SYNPO2: variants seen among roughly 807,000 people sequenced by gnomAD.
The protein encoded by SYNPO2 is synaptopodin 2.
In SYNPO2, 56 loss-of-function variants were observed where a neutral mutation model predicts 85.0. The ratio of observed to expected loss-of-function variants is 0.66; its 90% CI spans 0.53 to 0.82. SYNPO2 has a LOEUF of 0.82. SYNPO2 is among the 40% of genes least tolerant of loss of function. The probability of loss-of-function intolerance (pLI) is 0.00; values close to 1 mark genes in which losing one functional copy is unlikely to be tolerated. For synonymous variants in SYNPO2, 602 were observed against 591.1 expected (o/e 1.02, Z -0.27); for missense variants, 1,575 against 1,534.2 (o/e 1.03, Z -0.44).
At chr4:118,993,339 G>A (rs1736477532) in intron 1 of SYNPO2, among the ~76,000 whole-genome samples, 1 of 152,158 alleles carries the variant, frequency 6.6e-6, no homozygotes. Context: ...CCATTGTAGA[G>A]AAATATAATT....
At chr4:118,898,627 A>G (rs954203413) in intron 1 of SYNPO2, among the ~76,000 whole-genome samples, 6 of 152,186 alleles carry the variant, frequency 3.9e-5, no homozygotes, top group Non-Finnish European at 8.8e-5. Flanking sequence ...TAAGTAAAAA[A>G]TTGAAGATCA....
intron 1 of SYNPO2, among the ~76,000 whole-genome samples, chr4:118,921,404 C>T (rs1176477958): frequency 1.3e-5 from 2 of 152,084 alleles, no homozygotes; most frequent in African/African-American, 4.8e-5. Flanking sequence ...ACACAACAGC[C>T]AGGCTGACGT....
chr4:118,960,200 T>C (rs1252041247), intron 1 of SYNPO2, among the ~76,000 whole-genome samples: 1 of 152,186 alleles, frequency 6.6e-6, no homozygotes, highest in Non-Finnish European at 1.5e-5. Flanking sequence ...ACTCCAGAAC[T>C]GTGAATGAAA....
rs143989928 is a variant in SYNPO2, at chr4:118,961,979, G to T, written c.106-61451G>T. ...GGCTTTGGGATGTTCAGCCCATCTT[G>T]TTGGTCAGAAAGATAAAATTTTTAT... is the stretch of plus-strand genomic sequence containing the variant. On this transcript the variant is annotated intron_variant, in intron 1 of 4. Coordinates refer to ENST00000307142, the MANE Select transcript of SYNPO2 (RefSeq NM_133477.3). 7.9e-3 allele frequency among the ~76,000 whole-genome samples: 1,201 copies of T among 152,208 alleles called. 10 individuals carry two copies. The highest frequency in any genetic ancestry group is 0.024 in the Middle Eastern group (7 of 294).
At chr4:119,036,839 G>A (rs1427393250) in intron 4 of SYNPO2, 2 of 1,074,222 alleles carry the variant, frequency 1.9e-6, no homozygotes, top group Non-Finnish European at 1.1e-6. Context: ...TGAATAAAGA[G>A]AAATTTAATT....
At chr4:118,923,632 A>G (rs1733612196) in intron 1 of SYNPO2, among the ~76,000 whole-genome samples, 1 of 152,146 alleles carries the variant, frequency 6.6e-6, no homozygotes, top group Non-Finnish European at 1.5e-5. Flanking sequence ...TTGAACTTTG[A>G]GTTTGCTTCC....
chr4:118,863,339 T>C (rs1731645135), intron 1 of SYNPO2, among the ~76,000 whole-genome samples: 1 of 152,228 alleles, frequency 6.6e-6, no homozygotes, highest in Non-Finnish European at 1.5e-5. Context: ...TTGTTATTTG[T>C]TATTGGTCTG....
At chr4:118,877,933 C>T (rs1016175885) in intron 1 of SYNPO2, among the ~76,000 whole-genome samples, 4 of 152,056 alleles carry the variant, frequency 2.6e-5, no homozygotes, top group East Asian at 3.8e-4. Context: ...GCACTATTCA[C>T]GATAGCAAAG....
chr4:118,996,210 T>C (rs1736589236), intron 1 of SYNPO2, among the ~76,000 whole-genome samples: 1 of 152,162 alleles, frequency 6.6e-6, no homozygotes, highest in Non-Finnish European at 1.5e-5. Context: ...TTTGCACTTG[T>C]TGTTCCCATT....
intron 1 of SYNPO2, among the ~76,000 whole-genome samples, chr4:119,010,910 G>A (rs2149178745): frequency 6.6e-6 from 1 of 152,340 alleles, no homozygotes; most frequent in Admixed American, 6.5e-5. Flanking sequence ...GCTGAGTGAA[G>A]AGAGAGAGTA....
chr4:118,907,316 T>G, intron 1 of SYNPO2, among the ~76,000 whole-genome samples: 1 of 152,294 alleles, frequency 6.6e-6, no homozygotes, highest in Non-Finnish European at 1.5e-5. Context: ...ATAGCTTTTA[T>G]GTTTTGTTTG....
chr4:119,056,034 G>T (rs940466307), intron 4 of SYNPO2, among the ~76,000 whole-genome samples: 44 of 152,158 alleles, frequency 2.9e-4, no homozygotes, highest in African/African-American at 8.4e-4. Context: ...ACATTTTTAA[G>T]CATGGTAATG....
intron 1 of SYNPO2, among the ~76,000 whole-genome samples, chr4:118,981,235 T>C: frequency 6.6e-6 from 1 of 152,218 alleles, no homozygotes. Flanking sequence ...GACCCATTTG[T>C]TCCAGGATGG....
intron 1 of SYNPO2, among the ~76,000 whole-genome samples, chr4:118,853,503 A>G (rs1257451506): frequency 6.7e-6 from 1 of 148,654 alleles, no homozygotes; most frequent in Non-Finnish European, 1.5e-5. Context: ...GTGTGAGACT[A>G]TGGTTCAGAA....
rs528740706 is a variant in SYNPO2, at chr4:119,034,428, A to G, written c.3252+2401A>G. 36 of 985,152 alleles carry G rather than the reference A, an allele frequency of 3.7e-5. No homozygotes were observed. The African/African-American group carries it at 5.9e-4, about 16-fold the overall frequency. 61.0% of individuals were successfully genotyped at this position (985,152 alleles called of 1,614,324 possible). A position where few individuals can be genotyped will look rare whatever the true frequency, so the allele number is the denominator to read the frequency against. On this transcript the variant is annotated intron_variant, in intron 4 of 4. Coordinates refer to ENST00000307142, the MANE Select transcript of SYNPO2 (RefSeq NM_133477.3). Reference sequence around the variant, plus strand: ...TCCATTTCCTGTTGGACAGGTGGCAATCTTAGCAGAGCCACTATTTGGAGT... The same window carrying G: ...TCCATTTCCTGTTGGACAGGTGGCAGTCTTAGCAGAGCCACTATTTGGAGT...
chr4:118,956,557 T>C (rs1734883522), intron 1 of SYNPO2, among the ~76,000 whole-genome samples: 1 of 152,224 alleles, frequency 6.6e-6, no homozygotes, highest in Non-Finnish European at 1.5e-5. Flanking sequence ...TATTCCTTAT[T>C]CTTAGCCAGG....
At position 118,875,788 on chromosome 4, in the gene SYNPO2, T is replaced by C. The variant is rs146914331; in HGVS notation, c.12+24848T>C. On this transcript the variant is annotated intron_variant, in intron 1 of 4. Transcript: ENST00000610556. ...TGCATCTTACAATGTGTTGGTGTTG[T>C]GGTAAACCTCTGCCCGTTAATGTTT... Among the ~76,000 whole-genome samples, 393 of 152,370 alleles carry C rather than the reference T, an allele frequency of 2.6e-3. 3 individuals carry two copies. The highest frequency in any genetic ancestry group is 8.8e-3 in the African/African-American group (364 of 41,590).
intron 1 of SYNPO2, 113 bp from the exon 2 acceptor site, chr4:119,023,317 G>A: frequency 8.9e-7 from 1 of 1,129,018 alleles, no homozygotes; most frequent in Non-Finnish European, 1.2e-6. Flanking sequence ...GTTAACAGGT[G>A]AATTAAAATT....
At chr4:118,881,817 C>A (rs1215955846) in intron 1 of SYNPO2, among the ~76,000 whole-genome samples, 1 of 152,226 alleles carries the variant, frequency 6.6e-6, no homozygotes, top group Non-Finnish European at 1.5e-5. Flanking sequence ...AGCACCACCC[C>A]ACCTGCTCAG....
Sources: gnomAD v4.1 joint callset for allele counts (sites outside exome capture counted in the v4.1 genomes callset) on GRCh38, gnomAD v4.1.1 for gene constraint, MANE v1.5 for transcripts, NCBI Gene and HGNC (gene_info 2026-07-23, HGNC 2026-07-21) for gene names.